Variants in NPR3 observed in about 807,000 individuals in gnomAD.
NPR3 encodes natriuretic peptide receptor 3.
Under a neutral mutation model 54.5 loss-of-function variants are expected in NPR3, and 34 were observed. The observed-to-expected ratio is 0.62, with a 90% CI of 0.47 to 0.83. The LOEUF is 0.83. Ranked by LOEUF, NPR3 falls within the 40% of genes least tolerant of loss-of-function variation. The pLI is 0.00. For missense variants in NPR3, 674 were observed against 720.8 expected, an observed-to-expected ratio of 0.94 and a Z score of 0.74; for synonymous variants, 289 against 297.1, an observed-to-expected ratio of 0.97 and a Z score of 0.28.
chr5:32,783,935 C>T (rs1188614887), intron 6 of NPR3, among the ~76,000 whole-genome samples: 1 of 152,224 alleles, frequency 6.6e-6, no homozygotes, highest in Non-Finnish European at 1.5e-5. Flanking sequence ...ACTCTAGATA[C>T]AAGTTAGCTA....
intron 1 of NPR3, among the ~76,000 whole-genome samples, chr5:32,714,505 CT>C (rs11295246): frequency 0.34 from 47,876 of 140,312 alleles, 7,943 homozygotes; most frequent in Middle Eastern, 0.47. Flanking sequence ...AGTCTCTTTG[CT>C]TTTTTTTTTT....
At position 32,786,344 on chromosome 5, in the gene NPR3, A is replaced by G; in HGVS notation, c.1625A>G (p.Ter542=). The change falls in exon 8 of 8, where the codon TAA becomes TGA. Residue 542 remains the stop codon, a stop_retained_variant. Coordinates refer to ENST00000265074, the MANE Select transcript of NPR3 (RefSeq NM_001204375.2). ...DSIRSHFSVA[*] is the part of the protein sequence containing the mutation. ...ATCAGATCCCATTTTTCAGTAGCTTAAAGGAAGCCCCCCACTTTTTTTTTT... is the reference window on the plus strand; with the variant it reads ...ATCAGATCCCATTTTTCAGTAGCTTGAAGGAAGCCCCCCACTTTTTTTTTT... 1 of 1,376,004 alleles carries G rather than the reference A, an allele frequency of 7.3e-7. No individual in the cohort carries two copies. Among genetic ancestry groups the G allele is most frequent in the Non-Finnish European group, 1.0e-6 (1 of 975,164 alleles). 85.2% of individuals were successfully genotyped at this position (1,376,004 alleles called of 1,614,324 possible). A position where few individuals can be genotyped will look rare whatever the true frequency, so the allele number is the denominator to read the frequency against.
At chr5:32,699,488 A>G (rs748095777) in intron 1 of NPR3, among the ~76,000 whole-genome samples, 11 of 151,968 alleles carry the variant, frequency 7.2e-5, no homozygotes, top group Non-Finnish European at 1.2e-4. Context: ...ACTGGCCCCA[A>G]TGTGTGCTGT....
intron 1 of NPR3, among the ~76,000 whole-genome samples, chr5:32,717,445 T>C (rs2111864368): frequency 6.6e-6 from 1 of 152,362 alleles, no homozygotes; most frequent in Non-Finnish European, 1.5e-5. Context: ...TCCACAATGG[T>C]TGAACTATAA....
At chr5:32,736,555 T>A (rs1579630114) in intron 2 of NPR3, among the ~76,000 whole-genome samples, 1 of 152,294 alleles carries the variant, frequency 6.6e-6, no homozygotes, top group South Asian at 2.1e-4. Context: ...AATGAATCAA[T>A]AACTATTTAT....
rs150896858 is a variant in NPR3, at chr5:32,749,523, A to G, written c.1059+10493A>G. Among the ~76,000 whole-genome samples, 23 of 152,276 alleles carry G rather than the reference A, an allele frequency of 1.5e-4. No homozygotes were observed. The East Asian group carries it at 4.2e-3, about 28-fold the overall frequency. On this transcript the variant is annotated intron_variant, in intron 3 of 7. Coordinates refer to ENST00000265074, the MANE Select transcript of NPR3 (RefSeq NM_001204375.2). Reference sequence around the variant, plus strand: ...GGAACTTGTTATAGTGGTGAACTTTACTATAGGGTAATAATGTATCAAGCT... The same window carrying G: ...GGAACTTGTTATAGTGGTGAACTTTGCTATAGGGTAATAATGTATCAAGCT...
At chr5:32,747,539 T>C (rs1740363013) in intron 3 of NPR3, among the ~76,000 whole-genome samples, 1 of 152,162 alleles carries the variant, frequency 6.6e-6, no homozygotes, top group Non-Finnish European at 1.5e-5. Context: ...TGTGCCTATG[T>C]AGTTCTTACT....
chr5:32,710,339 C>T (rs1020403217), upstream of NPR3: 1 of 166,426 alleles, frequency 6.0e-6, no homozygotes, highest in African/African-American at 2.4e-5. Flanking sequence ...ACCCGGGGGA[C>T]CTACCGGGAA....
intron 1 of NPR3, among the ~76,000 whole-genome samples, chr5:32,700,721 T>C (rs1187491762): frequency 6.6e-6 from 1 of 152,206 alleles, no homozygotes; most frequent in Non-Finnish European, 1.5e-5. Flanking sequence ...GCCAAGGACA[T>C]GAACTCATCG....
At chr5:32,762,337 TTTCTGG>T (rs1168353100) in intron 3 of NPR3, among the ~76,000 whole-genome samples, 1 of 151,784 alleles carries the variant, frequency 6.6e-6, no homozygotes, top group African/African-American at 2.4e-5. Context: ...TCAAATGGTA[TTTCTGG>T]TTCTAGATCC....
chr5:32,728,854 T>C (rs1161692754), intron 2 of NPR3, among the ~76,000 whole-genome samples: 2 of 122,752 alleles, frequency 1.6e-5, no homozygotes, highest in Non-Finnish European at 3.3e-5. Flanking sequence ...TATATATATA[T>C]ATATATATAT....
chr5:32,718,118 T>C (rs1317966477), intron 1 of NPR3, among the ~76,000 whole-genome samples: 1 of 152,248 alleles, frequency 6.6e-6, no homozygotes, highest in Non-Finnish European at 1.5e-5. Flanking sequence ...TAGGGAATTC[T>C]TTCCCCATTT....
At chr5:32,759,784 C>T (rs902216728) in intron 3 of NPR3, among the ~76,000 whole-genome samples, 1 of 152,100 alleles carries the variant, frequency 6.6e-6, no homozygotes, top group South Asian at 2.1e-4. Context: ...TTCAGGAGCT[C>T]TTGTAAGGCA....
chr5:32,752,674 C>T (rs941720164), intron 3 of NPR3, among the ~76,000 whole-genome samples: 2 of 152,120 alleles, frequency 1.3e-5, no homozygotes, highest in African/African-American at 4.8e-5. Flanking sequence ...TACAAGTTGG[C>T]TTTTAACAAC....
intron 1 of NPR3, chr5:32,712,999 A>T: frequency 5.2e-6 from 1 of 191,552 alleles, no homozygotes; most frequent in Non-Finnish European, 9.6e-6. Context: ...GACGCCTCGC[A>T]GCGAGGCGTC....
intron 1 of NPR3, among the ~76,000 whole-genome samples, chr5:32,720,892 G>T (rs2111877722): frequency 6.6e-6 from 1 of 152,252 alleles, no homozygotes; most frequent in South Asian, 2.1e-4. Context: ...CAAATTTGTT[G>T]ATGCTGGTTG....
chr5:32,737,133 C>T (rs754149372), intron 2 of NPR3, among the ~76,000 whole-genome samples: 1 of 152,142 alleles, frequency 6.6e-6, no homozygotes, highest in African/African-American at 2.4e-5. Flanking sequence ...CTATTAAAAT[C>T]GTGTTCACAC....
At chr5:32,713,596 C>T in intron 1 of NPR3, 1 of 512,444 alleles carries the variant, frequency 2.0e-6, no homozygotes, top group Non-Finnish European at 2.5e-6. Context: ...CCCGGCAAAG[C>T]TCCCCGAGAC....
At chr5:32,709,307 T>C (rs1234524683), upstream of NPR3, 1 of 152,110 alleles carries the variant, frequency 6.6e-6, no homozygotes, top group African/African-American at 2.4e-5. Context: ...GGACCTTTCT[T>C]GGAGTCTCGG....
Sources: gnomAD v4.1 joint callset for allele counts (sites outside exome capture counted in the v4.1 genomes callset) on GRCh38, gnomAD v4.1.1 for gene constraint, MANE v1.5 for transcripts, NCBI Gene and HGNC (gene_info 2026-07-23, HGNC 2026-07-21) for gene names.